Variants in KALRN observed in about 807,000 individuals in gnomAD.
KALRN encodes the protein kalirin RhoGEF kinase.
A neutral mutation model predicts 353.7 loss-of-function variants in KALRN; 70 were observed. The observed-to-expected ratio is 0.20, with a 90% CI of 0.16 to 0.24. KALRN has a LOEUF of 0.24. Among genes scored for constraint, KALRN ranks in the 10% least tolerant of loss-of-function variants. The probability of loss-of-function intolerance (pLI) is 1.00; values close to 1 mark genes in which losing one functional copy is unlikely to be tolerated. For synonymous variants in KALRN, 1,391 were observed against 1,434.8 expected (o/e 0.97, Z 0.69); for missense variants, 2,791 against 3,756.7 (o/e 0.74, Z 6.72).
chr3:124,393,185 C>T (rs535308333), intron 11 of KALRN, among the ~76,000 whole-genome samples: 1 of 152,234 alleles, frequency 6.6e-6, no homozygotes, highest in African/African-American at 2.4e-5. Flanking sequence ...AGACTGGTCT[C>T]GAATTCCTGA....
chr3:124,454,163 G>A (rs2059070137), intron 21 of KALRN, among the ~76,000 whole-genome samples: 1 of 152,184 alleles, frequency 6.6e-6, no homozygotes, highest in Non-Finnish European at 1.5e-5. Context: ...AGATTCTGGT[G>A]GTGACAGGGA....
intron 1 of KALRN, among the ~76,000 whole-genome samples, chr3:124,129,702 C>G (rs2065070089): frequency 6.6e-6 from 1 of 152,208 alleles, no homozygotes; most frequent in Non-Finnish European, 1.5e-5. Context: ...CTTCAATCAC[C>G]CATTCACTCT....
intron 1 of KALRN, among the ~76,000 whole-genome samples, chr3:124,208,658 A>G (rs2076629784): frequency 6.6e-6 from 1 of 152,114 alleles, no homozygotes; most frequent in African/African-American, 2.4e-5. Context: ...TGCAAAATAG[A>G]TTAATTCATA....
intron 23 of KALRN, among the ~76,000 whole-genome samples, chr3:124,460,532 G>A (rs1271578192): frequency 6.6e-6 from 1 of 152,220 alleles, no homozygotes; most frequent in Non-Finnish European, 1.5e-5. Context: ...TCTCCCTTCT[G>A]TCCTCATTTC....
intron 10 of KALRN, among the ~76,000 whole-genome samples, chr3:124,369,483 CATGT>C (rs1368702353): frequency 4.6e-5 from 7 of 152,064 alleles, no homozygotes; most frequent in Non-Finnish European, 1.0e-4. Context: ...TCAACAGAAA[CATGT>C]ATGTATGTAT....
chr3:124,405,845 T>C (rs2091476245), intron 13 of KALRN, among the ~76,000 whole-genome samples: 2 of 151,946 alleles, frequency 1.3e-5, no homozygotes, highest in South Asian at 2.1e-4. Flanking sequence ...GAGGTTTCAC[T>C]GTGTTAGCCA....
At chr3:124,333,407 C>T (rs1195736274) in intron 8 of KALRN, among the ~76,000 whole-genome samples, 3 of 152,166 alleles carry the variant, frequency 2.0e-5, no homozygotes, top group African/African-American at 4.8e-5. Flanking sequence ...AAATATCCCT[C>T]CTTTACAGAC....
intron 25 of KALRN, among the ~76,000 whole-genome samples, chr3:124,470,889 A>T (rs2060822732): frequency 6.6e-6 from 1 of 152,212 alleles, no homozygotes; most frequent in African/African-American, 2.4e-5. Flanking sequence ...AACATATTAT[A>T]GGATTTTGGA....
At position 124,461,943 on chromosome 3, in the gene KALRN, A is replaced by G; in HGVS notation, c.3908A>G (p.His1303Arg). The G allele has an allele frequency of 6.2e-7, 1 of 1,612,300 alleles. No individual in the cohort carries two copies. The highest frequency in any genetic ancestry group is 8.5e-7 in the Non-Finnish European group (1 of 1,178,396). ...GAGAAGGCTTATGTAAGGGATTTGCATGAGTGCTTAGAGGTGAGTCTTCCA... is the reference window on the plus strand; with the variant it reads ...GAGAAGGCTTATGTAAGGGATTTGCGTGAGTGCTTAGAGGTGAGTCTTCCA... Reference protein sequence around the residue: ...QTEKAYVRDLHECLETYLWEM... With the variant: ...QTEKAYVRDLRECLETYLWEM... The change falls in exon 24 of 60, where the codon CAT (histidine) becomes CGT (arginine). Residue 1303 changes from histidine to arginine, a missense_variant. Physicochemically the swap from His to Arg is conservative, Grantham distance 29 (BLOSUM62 0). Transcript: ENST00000682506.
At chr3:124,676,524 T>C (rs942990001) in intron 49 of KALRN, among the ~76,000 whole-genome samples, 6 of 152,182 alleles carry the variant, frequency 3.9e-5, no homozygotes, top group Non-Finnish European at 8.8e-5. Flanking sequence ...CTGGGAAGAA[T>C]ATGAAACCAA....
chr3:124,585,563 A>C (rs34912626), intron 34 of KALRN, among the ~76,000 whole-genome samples: 23,772 of 152,020 alleles, frequency 0.16, 2,007 homozygotes, highest in Middle Eastern at 0.2. Context: ...GCAGGAAGCA[A>C]CCAATTTCCC....
At chr3:124,630,260 T>C (rs556322527) in intron 34 of KALRN, among the ~76,000 whole-genome samples, 1 of 152,314 alleles carries the variant, frequency 6.6e-6, no homozygotes, top group Admixed American at 6.5e-5. Flanking sequence ...TTCTAGCCTC[T>C]CTATTCTTCC....
At position 124,086,309 on chromosome 3, in the gene KALRN, T is replaced by TTGTGTGTGTG. The variant is rs59443298; in HGVS notation, c.73+52532_73+52541dup. ...GTCTCCTACTAGGTTGGTTGTTTTG[T>TTGTGTGTGTG]TGTGTGTGTGTGTGTGTGTGTGTGT... On this transcript the variant is annotated intron_variant, in intron 1 of 59. Transcript: ENST00000682506. Among the ~76,000 whole-genome samples the TTGTGTGTGTG allele has an allele frequency of 3.3e-3, 473 of 141,846 alleles. 3 individuals carry two copies. Among genetic ancestry groups the TTGTGTGTGTG allele is most frequent in the Middle Eastern group, 0.011 (3 of 274 alleles). The allele number at this position is 141,846 out of a possible 152,430, so 93.1% of individuals were successfully genotyped here.
intron 17 of KALRN, 31 bp from the exon 18 acceptor site, chr3:124,438,857 T>C (rs777286591): frequency 2.2e-5 from 35 of 1,588,296 alleles, no homozygotes; most frequent in Non-Finnish European, 2.7e-5. Flanking sequence ...AATAATTAAT[T>C]TACTGAGTCT....
intron 21 of KALRN, among the ~76,000 whole-genome samples, chr3:124,454,753 C>A (rs774553310): frequency 6.6e-6 from 1 of 151,854 alleles, no homozygotes; most frequent in African/African-American, 2.4e-5. Context: ...CTAAGCCATA[C>A]GGAATAACAA....
chr3:124,684,792 T>G (rs905987936), intron 51 of KALRN, among the ~76,000 whole-genome samples: 1 of 152,196 alleles, frequency 6.6e-6, no homozygotes, highest in African/African-American at 2.4e-5. Context: ...TGGGCAGATT[T>G]CCTTCTGAGA....
intron 10 of KALRN, among the ~76,000 whole-genome samples, chr3:124,370,093 G>A (rs1489714242): frequency 1.3e-5 from 2 of 152,120 alleles, no homozygotes; most frequent in Non-Finnish European, 2.9e-5. Flanking sequence ...GTCAACATAA[G>A]TTCCATCAAG....
At chr3:124,413,007 A>T (rs3845916) in intron 13 of KALRN, among the ~76,000 whole-genome samples, 70,832 of 151,470 alleles carry the variant, frequency 0.47, 16,876 homozygotes, top group African/African-American at 0.54. Context: ...TGAAAATTGT[A>T]ACAGCAACAA....
At chr3:124,046,175 A>G (rs1168878595) in intron 1 of KALRN, among the ~76,000 whole-genome samples, 1 of 152,216 alleles carries the variant, frequency 6.6e-6, no homozygotes, top group Non-Finnish European at 1.5e-5. Flanking sequence ...TTTCAGATCA[A>G]GGAAAAACTT....
Sources: gnomAD v4.1 joint callset for allele counts (sites outside exome capture counted in the v4.1 genomes callset) on GRCh38, gnomAD v4.1.1 for gene constraint, MANE v1.5 for transcripts, NCBI Gene and HGNC (gene_info 2026-07-23, HGNC 2026-07-21) for gene names.